The following NECAB2 variants were observed in gnomAD, a reference collection of about 807,000 sequenced individuals.
The protein encoded by NECAB2 is N-terminal EF-hand calcium-binding protein 2.
In NECAB2, 68 loss-of-function variants were observed where a neutral mutation model predicts 51.9. That is an observed-to-expected ratio of 1.31 (90% CI 1.08 to 1.60). The LOEUF is 1.60. NECAB2 is among the 40% of genes most tolerant of loss of function. The pLI is 0.00. For missense variants in NECAB2, 854 were observed against 490.3 expected, an observed-to-expected ratio of 1.74 and a Z score of -7.00; for synonymous variants, 329 against 203.5, an observed-to-expected ratio of 1.62 and a Z score of -5.25.
In NECAB2 at chr16:83,984,041, G is replaced by C. The variant is rs186561326; in HGVS notation, c.459+2914G>C. Among the ~76,000 whole-genome samples, 360 of 147,346 alleles carry C rather than the reference G, an allele frequency of 2.4e-3. 1 individual carries two copies. The highest frequency in any genetic ancestry group is 8.4e-3 in the African/African-American group (329 of 39,036). ...GACGGAGTCTCGCTCTGTCATCCAG[G>C]CTGGAGTGCAGTGGCACAGTCCCAG... On this transcript the variant is annotated intron_variant, in intron 5 of 12. Coordinates refer to ENST00000305202, the MANE Select transcript of NECAB2 (RefSeq NM_019065.3).
intron 5 of NECAB2, among the ~76,000 whole-genome samples, chr16:83,984,445 G>T (rs1000715280): frequency 6.6e-6 from 1 of 151,734 alleles, no homozygotes; most frequent in African/African-American, 2.4e-5. Context: ...ATCTGCTGCC[G>T]CTCACGGTGG....
intron 10 of NECAB2, among the ~76,000 whole-genome samples, chr16:83,999,379 G>C (rs951158142): frequency 1.1e-4 from 16 of 152,306 alleles, no homozygotes; most frequent in African/African-American, 3.9e-4. Flanking sequence ...GTGAAGTAGG[G>C]CCACCCCGAT....
intron 8 of NECAB2, 27 bp from the exon 9 acceptor site, chr16:83,997,189 G>C (rs1314024965): frequency 3.7e-6 from 6 of 1,614,026 alleles, no homozygotes; most frequent in Admixed American, 1.7e-5. Context: ...TCTGGGTCTA[G>C]CATCACTGTG....
Position 83,997,897 on chromosome 16 carries a change from G to A in NECAB2, c.850-308G>A, listed in dbSNP as rs544302154. On this transcript the variant is annotated intron_variant, in intron 9 of 12. Coordinates refer to ENST00000305202, the MANE Select transcript of NECAB2 (RefSeq NM_019065.3). The stretch of plus-strand genomic sequence containing the variant: ...AGTCCATCAACTATGAGTTTTTCTT[G>A]TCAGTGGATGTGCTGTGTCTCCAGG... Among the ~76,000 whole-genome samples the A allele has an allele frequency of 5.8e-4, 88 of 152,248 alleles. 1 individual carries two copies. The highest frequency in any genetic ancestry group is 2.1e-3 in the African/African-American group (87 of 41,554).
chr16:83,992,383 C>A (rs958456045), intron 6 of NECAB2, among the ~76,000 whole-genome samples: 9 of 145,472 alleles, frequency 6.2e-5, no homozygotes, highest in South Asian at 2.2e-4. Flanking sequence ...CCCGTCCCCC[C>A]GCCCACCTCC....
At chr16:83,991,014 G>T (rs987503346) in intron 6 of NECAB2, among the ~76,000 whole-genome samples, 2 of 152,114 alleles carry the variant, frequency 1.3e-5, no homozygotes, top group African/African-American at 4.8e-5. Flanking sequence ...GACAAAAAGT[G>T]TCGCTCTGTC....
In NECAB2 at chr16:83,969,634, C is replaced by A. The variant is rs568312370; in HGVS notation, c.201+785C>A. ...CTGGGAAGCCCACCTCACCCTCCCA[C>A]CCGCCCCACCCGGGAGGGAGGAATC... On this transcript the variant is annotated intron_variant, in intron 1 of 12. Coordinates refer to ENST00000305202, the MANE Select transcript of NECAB2 (RefSeq NM_019065.3). Among the ~76,000 whole-genome samples the A allele has an allele frequency of 7.9e-5, 12 of 152,086 alleles. No individual in the cohort carries two copies. In the East Asian group the frequency reaches 2.3e-3, roughly 30 times the overall value.
intron 11 of NECAB2, among the ~76,000 whole-genome samples, chr16:84,001,278 C>T (rs1005818602): frequency 6.8e-6 from 1 of 146,346 alleles, no homozygotes; most frequent in African/African-American, 2.8e-5. Flanking sequence ...CAGCACACAT[C>T]TGGGAGAGGG....
chr16:84,001,629 AAG>A (rs1446303520), intron 11 of NECAB2, among the ~76,000 whole-genome samples, 194 bp from the exon 12 acceptor site: 3 of 152,030 alleles, frequency 2.0e-5, no homozygotes, highest in Non-Finnish European at 4.4e-5. Flanking sequence ...CACAGGGAAA[AAG>A]AGAAGCTCAC....
At chr16:83,999,284 A>C (rs941223374) in intron 10 of NECAB2, among the ~76,000 whole-genome samples, 70 of 151,868 alleles carry the variant, frequency 4.6e-4, no homozygotes, top group African/African-American at 1.6e-3. Context: ...GGCAGGACCC[A>C]CTCCACTCCA....
At chr16:83,987,242 T>G (rs1229543190) in intron 5 of NECAB2, among the ~76,000 whole-genome samples, 1 of 152,188 alleles carries the variant, frequency 6.6e-6, no homozygotes, top group Non-Finnish European at 1.5e-5. Flanking sequence ...CTTTGACTAT[T>G]CTTTCTAACA....
intron 3 of NECAB2, 104 bp from the exon 4 acceptor site, chr16:83,980,724 CCAGCACACAGG>C (rs2084476186): frequency 7.3e-7 from 1 of 1,377,012 alleles, no homozygotes; most frequent in Admixed American, 2.0e-5. Context: ...GCTTGTGGGG[CCAGCACACAGG>C]CTGCAAAGAG....
intron 5 of NECAB2, among the ~76,000 whole-genome samples, chr16:83,988,875 G>GT (rs2084587396): frequency 1.3e-5 from 2 of 152,260 alleles, no homozygotes; most frequent in African/African-American, 4.8e-5. Flanking sequence ...ATAGGCACGT[G>GT]TACCCCTGTG....
At chr16:83,998,960 G>A (rs1257559680) in intron 10 of NECAB2, among the ~76,000 whole-genome samples, 1 of 152,140 alleles carries the variant, frequency 6.6e-6, no homozygotes, top group Admixed American at 6.5e-5. Context: ...CTTTGTTCTT[G>A]CTGGTAGTGG....
intron 8 of NECAB2, among the ~76,000 whole-genome samples, chr16:83,995,357 C>T (rs1023958026): frequency 6.6e-6 from 1 of 151,810 alleles, no homozygotes; most frequent in Non-Finnish European, 1.5e-5. Flanking sequence ...GGGACTTGTC[C>T]TCTCTGAGGC....
chr16:84,000,367 TGG>T (rs1341021709), intron 10 of NECAB2, among the ~76,000 whole-genome samples: 1 of 98,648 alleles, frequency 1.0e-5, no homozygotes, highest in Non-Finnish European at 1.7e-5. Context: ...CCATCTCTAT[TGG>T]GACAGTTTTT....
At chr16:83,984,490 AGGC>A (rs527928731) in intron 5 of NECAB2, among the ~76,000 whole-genome samples, 150 of 151,954 alleles carry the variant, frequency 9.9e-4, no homozygotes, top group African/African-American at 3.4e-3. Context: ...TGGGAGGCCG[AGGC>A]GGGAGGATCG....
intron 5 of NECAB2, among the ~76,000 whole-genome samples, chr16:83,982,622 A>G (rs2084502627): frequency 6.6e-6 from 1 of 152,170 alleles, no homozygotes; most frequent in African/African-American, 2.4e-5. Flanking sequence ...CGTCCTAGCC[A>G]TGCTGTGAGG....
Position 84,002,453 on chromosome 16 carries a change from C to T in NECAB2, c.*107C>T, listed in dbSNP as rs1597236762. 1.4e-6 allele frequency: 2 copies of T among 1,403,604 alleles called. No homozygotes were observed. The highest frequency in any genetic ancestry group is 2.3e-5 in the East Asian group (1 of 43,816). 86.9% of individuals were successfully genotyped at this position (1,403,604 alleles called of 1,614,324 possible). A position where few individuals can be genotyped will look rare whatever the true frequency, so the allele number is the denominator to read the frequency against. ...TTGGTGCAGAAGCTTCTTTTCAATC[C>T]ATCCTCCACAAGAAGGTGTTTCCCT... On this transcript the variant is annotated 3_prime_UTR_variant, in exon 13 of 13. Transcript: ENST00000305202.
Sources: gnomAD v4.1 joint callset for allele counts (sites outside exome capture counted in the v4.1 genomes callset) on GRCh38, gnomAD v4.1.1 for gene constraint, MANE v1.5 for transcripts, NCBI Gene and HGNC (gene_info 2026-07-23, HGNC 2026-07-21) for gene names.